The following TRABD2A variants were observed in gnomAD, a reference collection of about 807,000 sequenced individuals.
The protein encoded by TRABD2A is metalloprotease TIKI1.
TRABD2A carries 43 observed loss-of-function variants against 45.6 expected under a neutral mutation model. That is an observed-to-expected ratio of 0.94 (90% CI 0.74 to 1.22). The LOEUF is 1.22. Among genes scored for constraint, TRABD2A ranks in the 50% most tolerant of loss-of-function variants. The pLI is 0.00. For synonymous variants in TRABD2A, 269 were observed against 265.0 expected, an observed-to-expected ratio of 1.02 and a Z score of -0.15; for missense variants, 642 against 652.4, an observed-to-expected ratio of 0.98 and a Z score of 0.17.
At position 84,830,027 on chromosome 2, in the gene TRABD2A, C is replaced by T. The variant is rs1289700986; in HGVS notation, c.1082+2028G>A. On this transcript the variant is annotated intron_variant, in intron 5 of 6. Coordinates refer to ENST00000409520, the MANE Select transcript of TRABD2A (RefSeq NM_001277053.2). The surrounding 1 kb of genome is among the most constrained non-coding windows in gnomAD (Gnocchi z 4.9). ...CATTACATACTCCACACACATTACA[C>T]CACACACACGTACACACTCCCCAGG... Among the ~76,000 whole-genome samples the T allele has an allele frequency of 6.6e-6, 1 of 151,862 alleles. No individual in the cohort carries two copies. The highest frequency in any genetic ancestry group is 1.9e-4 in the East Asian group (1 of 5,188).
At chr2:84,826,190 T>C (rs1681140807) in intron 5 of TRABD2A, among the ~76,000 whole-genome samples, 2 of 152,206 alleles carry the variant, frequency 1.3e-5, no homozygotes, top group Admixed American at 6.5e-5. Flanking sequence ...ACATGGTCTC[T>C]AACTCACTAG....
At chr2:84,838,662 G>A (rs1681600857) in intron 4 of TRABD2A, among the ~76,000 whole-genome samples, 2 of 151,892 alleles carry the variant, frequency 1.3e-5, no homozygotes, top group Admixed American at 1.3e-4. Flanking sequence ...CACTCCGGGG[G>A]AGAGAATTTA....
At chr2:84,857,621 C>A (rs1298231943) in intron 2 of TRABD2A, among the ~76,000 whole-genome samples, 1 of 152,166 alleles carries the variant, frequency 6.6e-6, no homozygotes, top group Non-Finnish European at 1.5e-5. Flanking sequence ...TCAGGTTTTC[C>A]CTTGTACAAC....
At chr2:84,850,607 A>G (rs940416113) in intron 2 of TRABD2A, 1 of 152,146 alleles carries the variant, frequency 6.6e-6, no homozygotes, top group African/African-American at 2.4e-5. Context: ...CCCTAGAACT[A>G]TAGTTTGCCC....
chr2:84,879,777 G>A (rs1683142024), intron 1 of TRABD2A, among the ~76,000 whole-genome samples: 2 of 152,178 alleles, frequency 1.3e-5, no homozygotes, highest in African/African-American at 4.8e-5. Flanking sequence ...GTAGAGGGCC[G>A]TCCGCAGCCC....
At chr2:84,838,114 G>T in intron 4 of TRABD2A, 1 of 667,534 alleles carries the variant, frequency 1.5e-6, no homozygotes. Flanking sequence ...GTCAAATAGT[G>T]ATGATTCTTT....
chr2:84,839,935 C>G (rs1180945851), intron 3 of TRABD2A, among the ~76,000 whole-genome samples: 1 of 152,168 alleles, frequency 6.6e-6, no homozygotes, highest in East Asian at 1.9e-4. Flanking sequence ...TTGTGACAAT[C>G]AGCGTGGTTC....
chr2:84,823,968 A>G lies in TRABD2A; in HGVS notation c.1319T>C (p.Val440Ala). 1 of 1,613,808 alleles carries G rather than the reference A, an allele frequency of 6.2e-7. No individual in the cohort carries two copies. Among genetic ancestry groups the G allele is most frequent in the Non-Finnish European group, 8.5e-7 (1 of 1,179,888 alleles). ...PRLRQFSDLWVRLEESDIVPQ... is the reference protein window; with the variant it reads ...PRLRQFSDLWARLEESDIVPQ... ...CTCGCCTGACCTCTCCTCCAGGCGG[A>G]CCCACAGATCGCTGAATTGCCGGAG... The change falls in exon 6 of 7, where the codon GTC becomes GCC. Residue 440 changes from valine (V) to alanine (A), a missense_variant. Physicochemically the swap from Val to Ala is moderately conservative, Grantham distance 64 (BLOSUM62 0). Transcript: ENST00000409520.
rs114523969 is a variant in TRABD2A at position 84,825,838 on chromosome 2, C to G, written c.1083-1634G>C. On this transcript the variant is annotated intron_variant, in intron 5 of 6. Transcript: ENST00000409520. ...CAGGGACATCAGATTCTCATAGGAT[C>G]GCAAACCCTGTTGTGAATTGTGTGT... Among the ~76,000 whole-genome samples, 1,026 of 152,236 alleles carry G rather than the reference C, an allele frequency of 6.7e-3. 18 individuals carry two copies. Among genetic ancestry groups the G allele is most frequent in the African/African-American group, 0.024 (994 of 41,536 alleles).
chr2:84,822,107 G>A lies in TRABD2A; in HGVS notation c.1335-7C>T. ...GAGTTGCGGGACTATGTCACTAGGA[G>A]GCAAAGAGAAAGACAGAGTCTGAAG... On this transcript the variant is annotated splice_region_variant and splice_polypyrimidine_tract_variant and intron_variant, in intron 6 of 6. Transcript: ENST00000409520. 1.3e-6 allele frequency: 2 copies of A among 1,553,894 alleles called. No homozygotes were observed. Among genetic ancestry groups the A allele is most frequent in the Non-Finnish European group, 1.7e-6 (2 of 1,147,350 alleles).
chr2:84,839,172 C>T lies in TRABD2A; in HGVS notation c.968G>A (p.Gly323Asp). The change falls in exon 4 of 7, where the codon GGC becomes GAC. Residue 323 changes from glycine (G) to aspartate (D), a missense_variant. Physicochemically the swap from Gly to Asp is moderately conservative, Grantham distance 94. Transcript: ENST00000409520. ...KALLEEFPDK[G>D]FFFAFGAGHF... ...ACCAGCTCCAAAGGCAAAGAAGAAG[C>T]CTTTGTCAGGGAACTCCTCCAAAAG... The T allele has an allele frequency of 6.2e-7, 1 of 1,613,960 alleles. No homozygotes were observed. Among genetic ancestry groups the T allele is most frequent in the Non-Finnish European group, 8.5e-7 (1 of 1,179,880 alleles).
At chr2:84,829,574 G>A (rs1483258811) in intron 5 of TRABD2A, among the ~76,000 whole-genome samples, 2 of 108,978 alleles carry the variant, frequency 1.8e-5, no homozygotes, top group African/African-American at 7.6e-5. Flanking sequence ...CACACCACAC[G>A]TACCACACTG....
At chr2:84,869,096 A>T (rs1013779497) in intron 2 of TRABD2A, among the ~76,000 whole-genome samples, 2 of 152,212 alleles carry the variant, frequency 1.3e-5, no homozygotes, top group African/African-American at 2.4e-5. Context: ...TTCCCTAAAG[A>T]TATCATTATC....
At chr2:84,834,259 A>G (rs1573921675) in intron 4 of TRABD2A, 1 of 152,348 alleles carries the variant, frequency 6.6e-6, no homozygotes, top group Admixed American at 6.5e-5. Context: ...ACAAATGTGC[A>G]CACGGTGCCC....
chr2:84,871,728 G>A lies in TRABD2A; in HGVS notation c.109-943C>T, dbSNP rs956201356. ...TCTCAAACTCCTGACCTTGTGATCC[G>A]CCCACCTCAGCCTCCCAAAGTGCTG... On this transcript the variant is annotated intron_variant, in intron 1 of 6. Coordinates refer to ENST00000409520, the MANE Select transcript of TRABD2A (RefSeq NM_001277053.2). Among the ~76,000 whole-genome samples, 8 of 151,918 alleles carry A rather than the reference G, an allele frequency of 5.3e-5. No homozygotes were observed. In the East Asian group the frequency reaches 5.8e-4, roughly 11 times the overall value.
intron 1 of TRABD2A, among the ~76,000 whole-genome samples, chr2:84,879,182 C>CTTT (rs34005884): frequency 7.3e-6 from 1 of 137,010 alleles, no homozygotes; most frequent in East Asian, 2.1e-4. Flanking sequence ...GTTTTCAATA[C>CTTT]TTTTTTTTTT....
intron 4 of TRABD2A, chr2:84,837,076 C>T (rs1681541480): frequency 6.7e-6 from 1 of 149,206 alleles, no homozygotes; most frequent in Non-Finnish European, 1.5e-5. Context: ...TTACTGCAAC[C>T]TCTTCCTCCC....
Position 84,822,073 on chromosome 2 carries a change from A to G in TRABD2A, c.1362T>C (p.Pro454=). The part of the protein sequence containing the change: ...ESDIVPQLQV[P]VLDRHISTEL... ...CAGTGGAGATGTGCCTGTCCAGGAC[A>G]GGGACCTGGAGTTGCGGGACTATGT... is the stretch of plus-strand genomic sequence containing the variant. The change falls in exon 7 of 7, where the codon CCT becomes CCC. Residue 454 remains proline (P), a synonymous_variant. Transcript: ENST00000409520. The G allele has an allele frequency of 6.3e-7, 1 of 1,582,670 alleles. No homozygotes were observed. Among genetic ancestry groups the G allele is most frequent in the Non-Finnish European group, 8.6e-7 (1 of 1,164,268 alleles).
intron 5 of TRABD2A, among the ~76,000 whole-genome samples, chr2:84,831,191 A>G (rs1681322473): frequency 2.1e-5 from 3 of 143,274 alleles, no homozygotes; most frequent in Admixed American, 2.1e-4. Flanking sequence ...ATGCTCGCTT[A>G]CAGAAAAAAA....
Sources: gnomAD v4.1 joint callset for allele counts (sites outside exome capture counted in the v4.1 genomes callset) on GRCh38, gnomAD v4.1.1 for gene constraint, Gnocchi (gnomAD v3.1) non-coding constraint, MANE v1.5 for transcripts, NCBI Gene and HGNC (gene_info 2026-07-23, HGNC 2026-07-21) for gene names.